The following GRIA1 variants were observed in gnomAD, a reference collection of about 807,000 sequenced individuals.
GRIA1 encodes the protein glutamate ionotropic receptor AMPA type subunit 1.
Under a neutral mutation model 99.2 loss-of-function variants are expected in GRIA1, and 31 were observed. The ratio of observed to expected loss-of-function variants is 0.31; its 90% CI spans 0.23 to 0.42. GRIA1 has a LOEUF of 0.42. Among genes scored for constraint, GRIA1 ranks in the 10% least tolerant of loss-of-function variants. The pLI is 1.00. For missense variants in GRIA1, 782 were observed against 1,157.5 expected, an observed-to-expected ratio of 0.68 and a Z score of 4.71; for synonymous variants, 438 against 432.4, an observed-to-expected ratio of 1.01 and a Z score of -0.16.
intron 2 of GRIA1, among the ~76,000 whole-genome samples, chr5:153,522,127 T>G (rs1427792506): frequency 1.3e-5 from 2 of 152,220 alleles, no homozygotes; most frequent in Admixed American, 1.3e-4. Flanking sequence ...ACTCTGGAAT[T>G]AAACTGCCTT....
At chr5:153,730,185 T>C (rs377345175) in intron 11 of GRIA1, among the ~76,000 whole-genome samples, 1 of 152,022 alleles carries the variant, frequency 6.6e-6, no homozygotes, top group East Asian at 1.9e-4. Context: ...AGTTCTGGGG[T>C]GAGGCCTAAG....
chr5:153,645,592 G>A (rs1754088578), intron 2 of GRIA1, among the ~76,000 whole-genome samples: 2 of 152,034 alleles, frequency 1.3e-5, no homozygotes, highest in South Asian at 4.2e-4. Flanking sequence ...TCTAAAACAG[G>A]GACAAAGTAT....
At chr5:153,725,132 A>C (rs1760413582) in intron 11 of GRIA1, among the ~76,000 whole-genome samples, 1 of 152,052 alleles carries the variant, frequency 6.6e-6, no homozygotes, top group Non-Finnish European at 1.5e-5. Flanking sequence ...CCAGAATTTC[A>C]TATCCAGCCA....
At chr5:153,662,896 C>G (rs759407767) in intron 5 of GRIA1, among the ~76,000 whole-genome samples, 3 of 152,182 alleles carry the variant, frequency 2.0e-5, no homozygotes, top group Non-Finnish European at 4.4e-5. Context: ...CTCAAGGACT[C>G]TCTTTGCTGA....
At position 153,698,087 on chromosome 5, in the gene GRIA1, C is replaced by T. The variant is rs770121094; in HGVS notation, c.1178C>T (p.Thr393Ile). ...GATGATAAGTTTGTCCCTGCAGCCACCGATGCCCAAGCTGGGGGCGATAAT... is the reference window on the plus strand; with the variant it reads ...GATGATAAGTTTGTCCCTGCAGCCATCGATGCCCAAGCTGGGGGCGATAAT... ...NEDDKFVPAA[T>I]DAQAGGDNSS... Residue 393 changes from threonine to isoleucine, a missense_variant, in exon 9 of 16, where the codon ACC (threonine) becomes ATC (isoleucine). Around this residue, in one of 5 missense-constraint regions of GRIA1, gnomAD observed 461 missense variants for 521.7 expected, o/e 0.88. Transcript: ENST00000285900. 1 of 1,611,880 alleles carries T rather than the reference C, an allele frequency of 6.2e-7. No individual in the cohort carries two copies. The highest frequency in any genetic ancestry group is 2.2e-5 in the East Asian group (1 of 44,844).
intron 11 of GRIA1, among the ~76,000 whole-genome samples, chr5:153,707,832 C>T (rs115154816): frequency 0.012 from 1,835 of 150,628 alleles, 19 homozygotes; most frequent in Admixed American, 0.019. Flanking sequence ...GGGTGGGGGG[C>T]GCGTGGGAGA....
At chr5:153,572,373 A>T (rs1028538191) in intron 2 of GRIA1, among the ~76,000 whole-genome samples, 2 of 152,080 alleles carry the variant, frequency 1.3e-5, no homozygotes, top group African/African-American at 4.8e-5. Flanking sequence ...GCAGAAGGAG[A>T]AGTGGAGTGG....
chr5:153,626,444 C>CTGTGTGTGTGTGTGTGTG (rs3036985), intron 2 of GRIA1, among the ~76,000 whole-genome samples: 17 of 142,412 alleles, frequency 1.2e-4, no homozygotes, highest in Middle Eastern at 3.6e-3. Context: ...GTGTGTGTGT[C>CTGTGTGTGTGTGTGTGTG]TGTGTGTGTG....
chr5:153,795,435 C>A, intron 14 of GRIA1: 3 of 1,041,260 alleles, frequency 2.9e-6, no homozygotes, highest in Non-Finnish European at 1.5e-6. Flanking sequence ...CATAAAATAA[C>A]ATTGGTAATG....
chr5:153,777,428 G>T (rs1293250808), intron 13 of GRIA1, among the ~76,000 whole-genome samples: 1 of 151,980 alleles, frequency 6.6e-6, no homozygotes, highest in Non-Finnish European at 1.5e-5. Flanking sequence ...GACCTCACTG[G>T]GTAAGTCACT....
intron 2 of GRIA1, among the ~76,000 whole-genome samples, chr5:153,637,827 T>C (rs150779163): frequency 1.7e-3 from 256 of 152,252 alleles, no homozygotes; most frequent in African/African-American, 6.0e-3. Flanking sequence ...GGCAACCTAA[T>C]TTAGAGGAAT....
chr5:153,737,382 A>G (rs1025485047), intron 11 of GRIA1, among the ~76,000 whole-genome samples: 1 of 151,628 alleles, frequency 6.6e-6, no homozygotes, highest in African/African-American at 2.4e-5. Flanking sequence ...ATTGGCCAAG[A>G]CCACATAATT....
chr5:153,575,601 C>A (rs566367057), intron 2 of GRIA1, among the ~76,000 whole-genome samples: 1 of 152,288 alleles, frequency 6.6e-6, no homozygotes, highest in South Asian at 2.1e-4. Context: ...GGGAACAGGG[C>A]TTTCCCAGAG....
chr5:153,709,438 T>C (rs540691399), intron 11 of GRIA1, among the ~76,000 whole-genome samples: 3 of 152,336 alleles, frequency 2.0e-5, no homozygotes, highest in African/African-American at 7.2e-5. Context: ...TCAAAGTTGA[T>C]GTTAATGTCT....
chr5:153,685,453 C>G (rs763496917), intron 7 of GRIA1, among the ~76,000 whole-genome samples: 1 of 152,180 alleles, frequency 6.6e-6, no homozygotes, highest in Non-Finnish European at 1.5e-5. Flanking sequence ...TTTGAGGGTT[C>G]CAATACAATT....
intron 11 of GRIA1, among the ~76,000 whole-genome samples, chr5:153,727,217 G>T (rs1018506934): frequency 1.3e-5 from 2 of 152,114 alleles, no homozygotes; most frequent in Non-Finnish European, 2.9e-5. Flanking sequence ...AATAAATTAG[G>T]TATTGATGGG....
At chr5:153,611,654 G>A (rs181898724) in intron 2 of GRIA1, among the ~76,000 whole-genome samples, 4 of 152,218 alleles carry the variant, frequency 2.6e-5, no homozygotes, top group South Asian at 2.1e-4. Flanking sequence ...AATTAAAGTC[G>A]GAGGCAGCTT....
intron 2 of GRIA1, among the ~76,000 whole-genome samples, chr5:153,640,721 T>TG (rs1753724240): frequency 6.6e-6 from 1 of 152,218 alleles, no homozygotes; most frequent in Non-Finnish European, 1.5e-5. Flanking sequence ...ACTGAACACT[T>TG]GCTTAAGCTC....
chr5:153,536,642 A>C (rs1369882004), intron 2 of GRIA1, among the ~76,000 whole-genome samples: 1 of 152,216 alleles, frequency 6.6e-6, no homozygotes, highest in Non-Finnish European at 1.5e-5. Context: ...AGCTTTTGGA[A>C]TCCATTGGGC....
Sources: gnomAD v4.1 joint callset for allele counts (sites outside exome capture counted in the v4.1 genomes callset) on GRCh38, gnomAD v4.1.1 for gene constraint, gnomAD v4.1.1 regional missense constraint, MANE v1.5 for transcripts, NCBI Gene and HGNC (gene_info 2026-07-23, HGNC 2026-07-21) for gene names.